The following PPFIA2 variants were observed in gnomAD, a reference collection of about 807,000 sequenced individuals.
PPFIA2 encodes the protein liprin-alpha-2.
In PPFIA2, 46 loss-of-function variants were observed where a neutral mutation model predicts 175.5. The ratio of observed to expected loss-of-function variants is 0.26; its 90% CI spans 0.21 to 0.34. The LOEUF is 0.34. Among genes scored for constraint, PPFIA2 ranks in the 10% least tolerant of loss-of-function variants. The pLI, the probability that PPFIA2 is intolerant of heterozygous loss-of-function variation, is 1.00. For missense variants in PPFIA2, 1,179 were observed against 1,506.1 expected (o/e 0.78, Z 3.60); for synonymous variants, 568 against 511.4 (o/e 1.11, Z -1.49).
intron 22 of PPFIA2, among the ~76,000 whole-genome samples, chr12:81,313,688 T>C (rs1373063334): frequency 6.6e-6 from 1 of 152,062 alleles, no homozygotes; most frequent in African/African-American, 2.4e-5. Context: ...AACTCTACGA[T>C]GAGCTCTGAA....
chr12:81,589,267 G>A (rs1023368434), intron 4 of PPFIA2, among the ~76,000 whole-genome samples: 5 of 151,902 alleles, frequency 3.3e-5, no homozygotes, highest in Admixed American at 3.3e-4. Context: ...CTTCCTATCT[G>A]GAGCCCCAAA....
chr12:81,513,577 C>T (rs955518229), intron 4 of PPFIA2, among the ~76,000 whole-genome samples: 1 of 151,936 alleles, frequency 6.6e-6, no homozygotes. Context: ...AAAGATAGTA[C>T]ACAGAGTTCA....
At chr12:81,412,175 C>A (rs1455892483) in intron 7 of PPFIA2, among the ~76,000 whole-genome samples, 3 of 151,602 alleles carry the variant, frequency 2.0e-5, no homozygotes, top group African/African-American at 4.8e-5. Context: ...CATTAAATAT[C>A]TTTTTATGCT....
At chr12:81,294,062 T>C (rs1233498129) in intron 24 of PPFIA2, among the ~76,000 whole-genome samples, 1 of 152,158 alleles carries the variant, frequency 6.6e-6, no homozygotes, top group South Asian at 2.1e-4. Context: ...ATACAACATG[T>C]CCTCACTTGT....
chr12:81,685,326 T>TGTTTTA (rs1390054428), intron 3 of PPFIA2, among the ~76,000 whole-genome samples: 29 of 152,062 alleles, frequency 1.9e-4, no homozygotes, highest in African/African-American at 7.0e-4. Flanking sequence ...AGGGTAAATT[T>TGTTTTA]CCTGGGAGGC....
intron 4 of PPFIA2, among the ~76,000 whole-genome samples, chr12:81,581,686 A>G (rs2074424219): frequency 6.6e-6 from 1 of 151,612 alleles, no homozygotes; most frequent in Admixed American, 6.6e-5. Flanking sequence ...CTAGAATAGA[A>G]CTTTGTACAT....
chr12:81,739,375 A>T (rs2082052773), intron 3 of PPFIA2, among the ~76,000 whole-genome samples: 1 of 152,056 alleles, frequency 6.6e-6, no homozygotes, highest in Admixed American at 6.6e-5. Context: ...CTGTATTCTG[A>T]TAGCATGATG....
At chr12:81,647,438 G>A (rs747935478) in intron 4 of PPFIA2, among the ~76,000 whole-genome samples, 4 of 152,054 alleles carry the variant, frequency 2.6e-5, no homozygotes, top group Non-Finnish European at 5.9e-5. Context: ...GAGGAAAAGC[G>A]TAACCAGAAA....
At chr12:81,528,135 C>T (rs1297839519) in intron 4 of PPFIA2, among the ~76,000 whole-genome samples, 1 of 82,984 alleles carries the variant, frequency 1.2e-5, no homozygotes, top group Non-Finnish European at 2.1e-5. Context: ...TACCCCTTAG[C>T]AGATATTCAG....
intron 24 of PPFIA2, chr12:81,294,609 T>C (rs936977124): frequency 3.7e-6 from 2 of 545,858 alleles, no homozygotes; most frequent in Non-Finnish European, 6.5e-6. Context: ...CTTCAGATGC[T>C]AGCTCAAAAG....
chr12:81,364,005 C>T (rs1214945956), intron 14 of PPFIA2, among the ~76,000 whole-genome samples: 1 of 151,626 alleles, frequency 6.6e-6, no homozygotes, highest in African/African-American at 2.4e-5. Flanking sequence ...GAATAATAAA[C>T]AAGTAGTAAT....
chr12:81,522,955 G>T (rs780059492), intron 4 of PPFIA2, among the ~76,000 whole-genome samples: 3 of 152,108 alleles, frequency 2.0e-5, no homozygotes, highest in Non-Finnish European at 4.4e-5. Flanking sequence ...TTCACTCAAG[G>T]ACCCAGGCTG....
intron 4 of PPFIA2, among the ~76,000 whole-genome samples, chr12:81,534,489 T>C (rs775803030): frequency 3.3e-5 from 5 of 151,706 alleles, no homozygotes; most frequent in Non-Finnish European, 7.4e-5. Flanking sequence ...AAAAAATATT[T>C]TGAAACTCTA....
intron 19 of PPFIA2, among the ~76,000 whole-genome samples, chr12:81,343,596 A>G (rs2058539411): frequency 6.6e-6 from 1 of 152,100 alleles, no homozygotes; most frequent in African/African-American, 2.4e-5. Context: ...GCTGACTACC[A>G]CATCTCGAAG....
intron 3 of PPFIA2, among the ~76,000 whole-genome samples, chr12:81,724,916 C>T (rs1399346908): frequency 6.6e-6 from 1 of 151,040 alleles, no homozygotes; most frequent in Non-Finnish European, 1.5e-5. Context: ...CTGTTTCCTA[C>T]AGAAATTGTA....
At chr12:81,688,966 C>T (rs2074860860) in intron 3 of PPFIA2, among the ~76,000 whole-genome samples, 1 of 151,174 alleles carries the variant, frequency 6.6e-6, no homozygotes, top group Non-Finnish European at 1.5e-5. Context: ...GGCAAGAAAA[C>T]AGATGATCTA....
chr12:81,421,996 G>A (rs1194187990), intron 7 of PPFIA2, among the ~76,000 whole-genome samples: 1 of 151,062 alleles, frequency 6.6e-6, no homozygotes, highest in Non-Finnish European at 1.5e-5. Flanking sequence ...TAGACTTTAA[G>A]TCTAGAACTG....
chr12:81,548,861 T>C (rs553019210), intron 4 of PPFIA2, among the ~76,000 whole-genome samples: 146 of 152,268 alleles, frequency 9.6e-4, no homozygotes, highest in African/African-American at 3.4e-3. Flanking sequence ...TAAAAACATA[T>C]TCTTTTTGCC....
At chr12:81,638,908 C>G (rs1458923133) in intron 4 of PPFIA2, among the ~76,000 whole-genome samples, 1 of 151,326 alleles carries the variant, frequency 6.6e-6, no homozygotes, top group African/African-American at 2.4e-5. Context: ...GGGATGGTCT[C>G]GATCTCCTGA....
Sources: gnomAD v4.1 joint callset for allele counts (sites outside exome capture counted in the v4.1 genomes callset) on GRCh38, gnomAD v4.1.1 for gene constraint, MANE v1.5 for transcripts, NCBI Gene and HGNC (gene_info 2026-07-23, HGNC 2026-07-21) for gene names.